Variants in ZNF710 observed in about 807,000 individuals in gnomAD.
ZNF710 encodes zinc finger protein 710.
Under a neutral mutation model 50.6 loss-of-function variants are expected in ZNF710, and 13 were observed. The ratio of observed to expected loss-of-function variants is 0.26; its 90% CI spans 0.17 to 0.41. The LOEUF is 0.41. ZNF710 is among the 10% of genes least tolerant of loss of function. ZNF710 has a pLI of 1.00. For missense variants in ZNF710, 721 were observed against 936.6 expected, an observed-to-expected ratio of 0.77 and a Z score of 3.01; for synonymous variants, 383 against 397.0, an observed-to-expected ratio of 0.96 and a Z score of 0.42.
At chr15:90,016,245 C>T (rs1006176861) in intron 1 of ZNF710, among the ~76,000 whole-genome samples, 2 of 152,118 alleles carry the variant, frequency 1.3e-5, no homozygotes, top group Non-Finnish European at 2.9e-5. Flanking sequence ...TGCATTTTCA[C>T]ATAGACGATT....
At chr15:90,061,228 T>C (rs1899997705) in intron 1 of ZNF710, among the ~76,000 whole-genome samples, 1 of 152,180 alleles carries the variant, frequency 6.6e-6, no homozygotes, top group Non-Finnish European at 1.5e-5. Flanking sequence ...TAGAGTGCAG[T>C]GGCGTGATCT....
At chr15:90,030,886 G>T (rs1442995067) in intron 1 of ZNF710, among the ~76,000 whole-genome samples, 1 of 151,898 alleles carries the variant, frequency 6.6e-6, no homozygotes, top group Non-Finnish European at 1.5e-5. Flanking sequence ...GGGCATGGTG[G>T]CGCGCGCCTG....
At chr15:90,045,331 T>C (rs1183279527) in intron 1 of ZNF710, 1 of 985,252 alleles carries the variant, frequency 1.0e-6, no homozygotes, top group Admixed American at 6.1e-5. Context: ...AGAAGGAAGC[T>C]GGAAATGGCG....
intron 1 of ZNF710, among the ~76,000 whole-genome samples, chr15:90,035,070 G>T (rs970803451): frequency 1.3e-5 from 2 of 152,218 alleles, no homozygotes; most frequent in Non-Finnish European, 2.9e-5. Flanking sequence ...CTTGAGTGAA[G>T]GACCAGGCAG....
chr15:90,011,614 C>T (rs1450341963), intron 1 of ZNF710, among the ~76,000 whole-genome samples: 1 of 152,186 alleles, frequency 6.6e-6, no homozygotes, highest in Admixed American at 6.5e-5. Context: ...TTATTTTCCA[C>T]ATATTTACCT....
intron 1 of ZNF710, among the ~76,000 whole-genome samples, chr15:90,037,536 A>G (rs900255134): frequency 1.3e-4 from 20 of 152,314 alleles, no homozygotes; most frequent in South Asian, 2.1e-4. Flanking sequence ...ACTGAGTCTC[A>G]GTCACCAGCG....
At chr15:90,022,847 A>AT (rs1453971012) in intron 1 of ZNF710, among the ~76,000 whole-genome samples, 1 of 152,140 alleles carries the variant, frequency 6.6e-6, no homozygotes, top group Non-Finnish European at 1.5e-5. Flanking sequence ...CCCAAGTAAA[A>AT]TTTTTCCACT....
intron 1 of ZNF710, among the ~76,000 whole-genome samples, chr15:90,007,208 T>C (rs1480770966): frequency 6.6e-6 from 1 of 151,920 alleles, no homozygotes; most frequent in Non-Finnish European, 1.5e-5. Flanking sequence ...CTGGCAAGGG[T>C]CAAAAGGGCT....
rs1051887932 is a variant in ZNF710 at position 90,080,219 on chromosome 15, G to A, written c.*390G>A. On this transcript the variant is annotated 3_prime_UTR_variant, in exon 5 of 5. Coordinates refer to ENST00000268154, the MANE Select transcript of ZNF710 (RefSeq NM_198526.4). ...CTGACACTGGAAGAAGAGACCACTT[G>A]AGCCATGTCTTTTTCACGGCCAACT... The A allele has an allele frequency of 6.0e-6, 1 of 167,320 alleles. No individual in the cohort carries two copies. The highest frequency in any genetic ancestry group is 1.7e-4 in the South Asian group (1 of 5,824). The allele number at this position is 167,320 out of a possible 1,614,324, so 10.4% of individuals were successfully genotyped here.
At chr15:90,036,105 T>A (rs548658831) in intron 1 of ZNF710, among the ~76,000 whole-genome samples, 152 of 152,286 alleles carry the variant, frequency 1.0e-3, no homozygotes, top group Non-Finnish European at 1.9e-3. Context: ...GACTTCCACT[T>A]CGAAGCGCAA....
chr15:90,040,231 A>G lies in ZNF710; in HGVS notation c.-28-26879A>G, dbSNP rs113759941. Among the ~76,000 whole-genome samples, 2,790 of 152,292 alleles carry G rather than the reference A, an allele frequency of 0.018. 90 individuals carry two copies. The highest frequency in any genetic ancestry group is 0.063 in the African/African-American group (2,598 of 41,558). ...ACTGCCTCCTCTGCACGTAGATCAT[A>G]CCGCCTTTGTTGAGGAAGTCGTGTC... On this transcript the variant is annotated intron_variant, in intron 1 of 4. Coordinates refer to ENST00000268154, the MANE Select transcript of ZNF710 (RefSeq NM_198526.4). The surrounding 1 kb of genome is among the most constrained non-coding windows in gnomAD (Gnocchi z 4.6).
intron 1 of ZNF710, among the ~76,000 whole-genome samples, chr15:90,026,158 A>G (rs1002968437): frequency 1.3e-5 from 2 of 151,980 alleles, no homozygotes; most frequent in African/African-American, 2.4e-5. Flanking sequence ...AAACGTATCC[A>G]AGAGCTGATT....
rs1362284687 is a variant in ZNF710 at position 90,017,553 on chromosome 15, T to C, written c.-29+15939T>C. ...TTGGGCTGAGGAATGCTCTCGGGGG[T>C]AGGAAGTTTTCGGGATCTGTGGGCC... On this transcript the variant is annotated intron_variant, in intron 1 of 4. Transcript: ENST00000268154. 2.6e-5 allele frequency among the ~76,000 whole-genome samples: 4 copies of C among 151,836 alleles called. No homozygotes were observed. In the East Asian group the frequency reaches 7.7e-4, roughly 29 times the overall value.
intron 1 of ZNF710, among the ~76,000 whole-genome samples, chr15:90,022,116 G>A (rs895705374): frequency 3.3e-5 from 5 of 151,880 alleles, no homozygotes; most frequent in African/African-American, 7.3e-5. Context: ...AGTGGCTCAC[G>A]CCTGTAATCC....
intron 1 of ZNF710, among the ~76,000 whole-genome samples, chr15:90,058,701 T>TTATATATATATATATATA (rs34907426): frequency 7.0e-6 from 1 of 143,554 alleles, no homozygotes; most frequent in African/African-American, 2.7e-5. Flanking sequence ...CACTATATAT[T>TTATATATATATATATATA]TATATATATA....
chr15:90,038,808 T>C (rs1225190465), intron 1 of ZNF710, among the ~76,000 whole-genome samples: 1 of 151,996 alleles, frequency 6.6e-6, no homozygotes, highest in Non-Finnish European at 1.5e-5. Flanking sequence ...TAATCGAATA[T>C]GTTCAGGTTA....
chr15:90,070,401 G>A (rs1432074707), intron 2 of ZNF710, among the ~76,000 whole-genome samples: 7 of 150,972 alleles, frequency 4.6e-5, no homozygotes, highest in Admixed American at 4.6e-4. Context: ...TGGGCTGGAT[G>A]CAATGGCTAA....
intron 1 of ZNF710, among the ~76,000 whole-genome samples, chr15:90,033,762 G>A (rs1899019080): frequency 6.6e-6 from 1 of 152,182 alleles, no homozygotes; most frequent in African/African-American, 2.4e-5. Context: ...CACAGAGCCT[G>A]GGGAGAAACT....
chr15:90,076,066 G>A (rs1046244808), intron 4 of ZNF710: 2 of 152,230 alleles, frequency 1.3e-5, no homozygotes, highest in Non-Finnish European at 2.9e-5. Context: ...GGTGGGGTCT[G>A]AGACGCTGCC....
Sources: gnomAD v4.1 joint callset for allele counts (sites outside exome capture counted in the v4.1 genomes callset) on GRCh38, gnomAD v4.1.1 for gene constraint, Gnocchi (gnomAD v3.1) non-coding constraint, MANE v1.5 for transcripts, NCBI Gene and HGNC (gene_info 2026-07-23, HGNC 2026-07-21) for gene names.